The following ADPRHL1 variants were observed in gnomAD, a reference collection of about 807,000 sequenced individuals.
ADPRHL1 encodes inactive ADP-ribosyltransferase ARH2.
A neutral mutation model predicts 44.1 loss-of-function variants in ADPRHL1; 43 were observed. The observed-to-expected ratio is 0.98, with a 90% CI of 0.76 to 1.26. The LOEUF is 1.26. Ranked by LOEUF, ADPRHL1 falls within the 50% of genes most tolerant of loss-of-function variation. The pLI, the probability that ADPRHL1 is intolerant of heterozygous loss-of-function variation, is 0.00. For synonymous variants in ADPRHL1, 878 were observed against 1,017.4 expected, an observed-to-expected ratio of 0.86 and a Z score of 2.61; for missense variants, 2,022 against 2,496.9, an observed-to-expected ratio of 0.81 and a Z score of 4.05.
chr13:113,418,194 T>C (rs1273396389), intron 7 of ADPRHL1, among the ~76,000 whole-genome samples: 1 of 152,164 alleles, frequency 6.6e-6, no homozygotes, highest in African/African-American at 2.4e-5. Context: ...TGAATCTTAG[T>C]TTCCTTGTCT....
At chr13:113,432,221 T>C (rs915344578) in intron 3 of ADPRHL1, among the ~76,000 whole-genome samples, 1 of 152,172 alleles carries the variant, frequency 6.6e-6, no homozygotes, top group African/African-American at 2.4e-5. Context: ...CATCCTGGGT[T>C]CAGGCGATCC....
chr13:113,431,161 C>T (rs1341963083), intron 3 of ADPRHL1, among the ~76,000 whole-genome samples: 2 of 152,324 alleles, frequency 1.3e-5, no homozygotes, highest in Non-Finnish European at 2.9e-5. Context: ...CGGTGGGTGC[C>T]GCGTGCGTTC....
Position 113,422,924 on chromosome 13 carries a change from G to A in ADPRHL1, c.963C>T (p.Gly321=). The part of the protein sequence containing the change: ...IAGCLFGLLY[G]LDLVPKGLYQ... Reference sequence around the variant, plus strand: ...ACAAGCCTTTGGGAACGAGGTCCAGGCCGTACAGCAACCCGAACAGGCAGC... The same window carrying A: ...ACAAGCCTTTGGGAACGAGGTCCAGACCGTACAGCAACCCGAACAGGCAGC... The change falls in exon 7 of 8, where the codon GGC becomes GGT. Residue 321 remains glycine (G), a synonymous_variant. Coordinates refer to ENST00000612156, the MANE Select transcript of ADPRHL1 (RefSeq NM_001394807.1). 6.2e-7 allele frequency: 1 copy of A among 1,612,958 alleles called. No homozygotes were observed.
At chr13:113,421,024 C>A (rs1418627890) in intron 7 of ADPRHL1, among the ~76,000 whole-genome samples, 1 of 134,020 alleles carries the variant, frequency 7.5e-6, no homozygotes, top group Admixed American at 7.5e-5. Flanking sequence ...CCTGGGACAC[C>A]CCTACCCCCC....
At chr13:113,440,472 T>G (rs2044089154) in intron 2 of ADPRHL1, among the ~76,000 whole-genome samples, 1 of 152,056 alleles carries the variant, frequency 6.6e-6, no homozygotes. Context: ...TTTTTTTTTT[T>G]TGAGATGGAG....
chr13:113,450,390 G>A (rs942980979), intron 1 of ADPRHL1, among the ~76,000 whole-genome samples: 2 of 152,166 alleles, frequency 1.3e-5, no homozygotes, highest in South Asian at 2.1e-4. Context: ...CCACAGGGTC[G>A]GTGGGTCTCT....
intron 7 of ADPRHL1, chr13:113,422,494 G>A (rs2043931617): frequency 4.4e-6 from 1 of 229,456 alleles, no homozygotes; most frequent in South Asian, 8.2e-5. Flanking sequence ...TGAAGTGAGT[G>A]AGTAAACAGC....
Position 113,406,192 on chromosome 13 carries a change from C to T in ADPRHL1, c.3090G>A (p.Pro1030=), listed in dbSNP as rs899044851. Residue 1030 remains proline (P), a synonymous_variant, in exon 8 of 8, where the codon CCG becomes CCA. Transcript: ENST00000612156. ...HASSSQQVPS[P]TGRNPTGAPT... ...GGGCTCCTGTTGGGTTTCTCCCAGT[C>T]GGGGACGGCACTTGCTGGCTGCTGG... 1.1e-5 allele frequency: 13 copies of T among 1,231,988 alleles called. No individual in the cohort carries two copies. Among genetic ancestry groups the T allele is most frequent in the South Asian group, 8.2e-5 (2 of 24,302 alleles). The allele number at this position is 1,231,988 out of a possible 1,614,324, so 76.3% of individuals were successfully genotyped here.
intron 2 of ADPRHL1, among the ~76,000 whole-genome samples, 194 bp downstream of exon 2, chr13:113,444,231 C>T (rs1595555534): frequency 6.6e-6 from 1 of 152,188 alleles, no homozygotes; most frequent in Non-Finnish European, 1.5e-5. Flanking sequence ...GGGGCCCCTG[C>T]CCATATTCCT....
At chr13:113,411,242 G>C (rs533885406) in intron 7 of ADPRHL1, among the ~76,000 whole-genome samples, 4 of 152,208 alleles carry the variant, frequency 2.6e-5, no homozygotes, top group Non-Finnish European at 5.9e-5. Context: ...TGGATGAAGA[G>C]AGTAATGGAG....
rs567783735 is a variant in ADPRHL1 at position 113,429,096 on chromosome 13, G to C, written c.506-4C>G. The C allele has an allele frequency of 8.2e-6, 13 of 1,591,420 alleles. No homozygotes were observed. In the South Asian group the frequency reaches 1.4e-4, roughly 18 times the overall value. Reference sequence around the variant, plus strand: ...GTGCACAGGGAGCCCAGGAAGCCTGGAGGGCAGGGAAGAGAGAGGGGGCAC... The same window carrying C: ...GTGCACAGGGAGCCCAGGAAGCCTGCAGGGCAGGGAAGAGAGAGGGGGCAC... On this transcript the variant is annotated splice_region_variant and splice_polypyrimidine_tract_variant and intron_variant, in intron 3 of 7. Transcript: ENST00000612156.
At chr13:113,413,756 G>A (rs1251572741) in intron 7 of ADPRHL1, among the ~76,000 whole-genome samples, 4 of 152,208 alleles carry the variant, frequency 2.6e-5, no homozygotes, top group Non-Finnish European at 5.9e-5. Context: ...CCAGCAGTGC[G>A]GGGCGAGACC....
intron 7 of ADPRHL1, among the ~76,000 whole-genome samples, chr13:113,412,636 C>A (rs994225741): frequency 6.6e-6 from 1 of 152,222 alleles, no homozygotes; most frequent in African/African-American, 2.4e-5. Context: ...CACAGCCGGG[C>A]GGGCTGGCAG....
intron 2 of ADPRHL1, 150 bp from the exon 3 acceptor site, chr13:113,434,017 C>T: frequency 4.3e-6 from 5 of 1,172,248 alleles, no homozygotes; most frequent in Non-Finnish European, 5.6e-6. Context: ...CATGGGCAGG[C>T]CACTCAAGTC....
At chr13:113,424,957 T>C in intron 5 of ADPRHL1, 95 bp downstream of exon 5, 2 of 1,474,710 alleles carry the variant, frequency 1.4e-6, no homozygotes, top group Non-Finnish European at 1.9e-6. Context: ...CATCCATCCA[T>C]TCACCTACCC....
intron 1 of ADPRHL1, among the ~76,000 whole-genome samples, chr13:113,446,133 C>T (rs2044135796): frequency 7.2e-6 from 1 of 139,490 alleles, no homozygotes; most frequent in Non-Finnish European, 1.6e-5. Context: ...GCCCCCCCTC[C>T]CCCCTCCCCC....
At chr13:113,410,096 T>A in intron 7 of ADPRHL1, 1 of 985,318 alleles carries the variant, frequency 1.0e-6, no homozygotes, top group Non-Finnish European at 1.2e-6. Context: ...CATGACCACG[T>A]AGCCGTGTTG....
At chr13:113,414,641 T>A (rs539978117) in intron 7 of ADPRHL1, among the ~76,000 whole-genome samples, 66 of 151,884 alleles carry the variant, frequency 4.3e-4, no homozygotes, top group African/African-American at 1.5e-3. Flanking sequence ...CCTCTGCACA[T>A]CTCCCTGAGT....
At chr13:113,426,469 G>T (rs927889713) in intron 4 of ADPRHL1, among the ~76,000 whole-genome samples, 1 of 152,234 alleles carries the variant, frequency 6.6e-6, no homozygotes, top group Non-Finnish European at 1.5e-5. Context: ...AGCTCAGGGC[G>T]CTGGAGAGCA....
Sources: gnomAD v4.1 joint callset for allele counts (sites outside exome capture counted in the v4.1 genomes callset) on GRCh38, gnomAD v4.1.1 for gene constraint, MANE v1.5 for transcripts, NCBI Gene and HGNC (gene_info 2026-07-23, HGNC 2026-07-21) for gene names.